The following DGAT2L6 variants were observed in gnomAD, a reference collection of about 807,000 sequenced individuals.
The protein encoded by DGAT2L6 is diacylglycerol O-acyltransferase 2-like protein 6.
In DGAT2L6, 22 loss-of-function variants were observed where a neutral mutation model predicts 25.5. The ratio of observed to expected loss-of-function variants is 0.86; its 90% confidence interval spans 0.62 to 1.23. The LOEUF (loss-of-function observed/expected upper bound fraction) is 1.23, where lower values mean the gene tolerates loss of function less well. Among genes scored for constraint, DGAT2L6 ranks in the 50% most tolerant of loss-of-function variants. DGAT2L6 has a pLI of 0.00. For synonymous variants in DGAT2L6, 100 were observed against 94.7 expected (o/e 1.06, Z -0.32); for missense variants, 287 against 253.2 (o/e 1.13, Z -0.91).
chrX:70,204,873 G>A, intron 6 of DGAT2L6, 79 bp from the exon 7 acceptor site: 2 of 1,063,731 alleles, frequency 1.9e-6, no homozygotes, highest in Non-Finnish European at 2.5e-6. Flanking sequence ...CTGAGTTTCA[G>A]TACATGGCTC....
chrX:70,179,989 A>AG (rs1569427296), intron 1 of DGAT2L6, among the ~76,000 whole-genome samples: 3 of 111,435 alleles, frequency 2.7e-5, no homozygotes, highest in African/African-American at 9.8e-5. Flanking sequence ...TGCTGGGTAT[A>AG]GGGTAGAGAG....
chrX:70,187,227 T>C (rs1440244697), intron 1 of DGAT2L6, among the ~76,000 whole-genome samples: 4 of 110,948 alleles, frequency 3.6e-5, no homozygotes, highest in East Asian at 2.8e-4. Context: ...AAGTCAAAGA[T>C]GGCCTAAAAA....
chrX:70,205,205 G>A lies in DGAT2L6; in HGVS notation c.*99G>A. ...TTCCAGGAGAGGGAAAGATCGTAAGGATGAGAGAGGAGACCATCCAAGCCA... is the reference window on the plus strand; with the variant it reads ...TTCCAGGAGAGGGAAAGATCGTAAGAATGAGAGAGGAGACCATCCAAGCCA... On this transcript the variant is annotated 3_prime_UTR_variant, in exon 7 of 7. Transcript: ENST00000333026. 2.1e-6 allele frequency: 2 copies of A among 937,624 alleles called. No homozygotes were observed. Among genetic ancestry groups the A allele is most frequent in the Non-Finnish European group, 2.8e-6 (2 of 715,860 alleles). The allele number at this position is 937,624 out of a possible 1,213,427, so 77.3% of individuals were successfully genotyped here.
At chrX:70,189,210 G>A (rs2085368537) in intron 1 of DGAT2L6, among the ~76,000 whole-genome samples, 1 of 111,161 alleles carries the variant, frequency 9.0e-6, no homozygotes, top group African/African-American at 3.3e-5. Context: ...TGACATGATA[G>A]TATGTATGGA....
At chrX:70,179,118 G>A (rs939517398) in intron 1 of DGAT2L6, among the ~76,000 whole-genome samples, 4 of 111,808 alleles carry the variant, frequency 3.6e-5, no homozygotes, top group African/African-American at 1.3e-4. Context: ...CAGAGAAAGG[G>A]TCCATGGCTT....
chrX:70,190,353 G>A (rs919157581), intron 1 of DGAT2L6, among the ~76,000 whole-genome samples: 1 of 111,869 alleles, frequency 8.9e-6, no homozygotes, highest in Non-Finnish European at 1.9e-5. Flanking sequence ...GAATCTGGCA[G>A]CCATCCATGG....
At chrX:70,180,286 T>C (rs2085339420) in intron 1 of DGAT2L6, among the ~76,000 whole-genome samples, 1 of 110,089 alleles carries the variant, frequency 9.1e-6, no homozygotes, top group African/African-American at 3.3e-5. Context: ...CCATCTCTAC[T>C]AAAAATAGAA....
chrX:70,188,851 C>A, intron 1 of DGAT2L6, among the ~76,000 whole-genome samples: 1 of 109,255 alleles, frequency 9.2e-6, no homozygotes, highest in East Asian at 2.9e-4. Flanking sequence ...CCATACTAAC[C>A]ATCTAAGCAT....
Position 70,199,328 on chromosome X carries a change from T to C in DGAT2L6, c.143T>C (p.Leu48Ser). 1 of 1,196,724 alleles carries C rather than the reference T, an allele frequency of 8.4e-7. No homozygotes were observed. Among genetic ancestry groups the C allele is most frequent in the East Asian group, 3.0e-5 (1 of 33,524 alleles). ...CTGTTATTCAGTAAGTTCTGGCCCTTGGCTGTGCTCTCCTTAGCCTGGCTC... is the reference window on the plus strand; with the variant it reads ...CTGTTATTCAGTAAGTTCTGGCCCTCGGCTGTGCTCTCCTTAGCCTGGCTC... ...YFLLFSKFWP[L>S]AVLSLAWLTY... The change falls in exon 2 of 7, where the codon TTG becomes TCG. Residue 48 changes from leucine (L) to serine (S), a missense_variant. Coordinates refer to ENST00000333026, the MANE Select transcript of DGAT2L6 (RefSeq NM_198512.3).
At chrX:70,201,843 T>C in intron 4 of DGAT2L6, 47 bp from the exon 5 acceptor site, 8 of 1,115,410 alleles carry the variant, frequency 7.2e-6, no homozygotes, top group Non-Finnish European at 9.5e-6. Flanking sequence ...CCTTACCCCA[T>C]CCTCAGGAAT....
chrX:70,191,954 G>A (rs1187892490), intron 1 of DGAT2L6, among the ~76,000 whole-genome samples: 1 of 111,676 alleles, frequency 9.0e-6, no homozygotes, highest in Non-Finnish European at 1.9e-5. Flanking sequence ...GAACAATAAA[G>A]ACATTCTCAA....
At position 70,204,479 on chromosome X, in the gene DGAT2L6, G is replaced by A. The variant is rs772362516; in HGVS notation, c.822G>A (p.Trp274Ter). Residue 274 changes from tryptophan (W) to a stop codon, truncating the protein, a stop_gained, in exon 6 of 7, where the codon TGG (tryptophan) becomes TGA (stop). Transcript: ENST00000333026. LOFTEE classifies it high-confidence loss of function. ...FHGRGFTRGS[W>*]GFLPFNRPIT... is the part of the protein sequence containing the mutation. ...GCCGGGGCTTCACTCGCGGATCCTG[G>A]GGCTTCCTGCCTTTCAATCGGCCCA... The A allele has an allele frequency of 7.6e-5, 92 of 1,209,128 alleles. No homozygotes were observed. The East Asian group carries it at 2.7e-3, about 35-fold the overall frequency.
intron 1 of DGAT2L6, among the ~76,000 whole-genome samples, chrX:70,197,731 T>C (rs1412684229): frequency 8.9e-6 from 1 of 112,417 alleles, no homozygotes; most frequent in Non-Finnish European, 1.9e-5. Context: ...AATGATACAC[T>C]TAGGCTAACT....
intron 1 of DGAT2L6, among the ~76,000 whole-genome samples, chrX:70,182,904 C>A (rs1274564421): frequency 8.9e-6 from 1 of 112,044 alleles, no homozygotes; most frequent in Non-Finnish European, 1.9e-5. Flanking sequence ...GATCCGCCTG[C>A]CTCGGCCTCC....
intron 1 of DGAT2L6, among the ~76,000 whole-genome samples, chrX:70,186,402 A>C (rs1269603525): frequency 3.6e-5 from 4 of 112,306 alleles, no homozygotes; most frequent in Admixed American, 9.4e-5. Flanking sequence ...AGGAAGTGTC[A>C]TTTGAGCTAA....
intron 3 of DGAT2L6, 77 bp from the exon 4 acceptor site, chrX:70,200,178 A>T (rs2085405068): frequency 2.0e-6 from 2 of 993,255 alleles, no homozygotes; most frequent in Non-Finnish European, 2.8e-6. Flanking sequence ...AACATAGGCT[A>T]CCTGCTGGGA....
intron 4 of DGAT2L6, among the ~76,000 whole-genome samples, chrX:70,201,637 T>A (rs1221692715): frequency 9.1e-6 from 1 of 110,163 alleles, no homozygotes; most frequent in African/African-American, 3.3e-5. Flanking sequence ...AGGCTATGGA[T>A]GGTAGGAGGC....
At position 70,201,932 on chromosome X, in the gene DGAT2L6, C is replaced by A. The variant is rs754945430; in HGVS notation, c.515C>A (p.Thr172Asn). Reference sequence around the variant, plus strand: ...AGCTCAGCCTTGAAGTACTTGCTGACCCAGAAAGGCTCAGGCAATGCCGTG... The same window carrying A: ...AGCTCAGCCTTGAAGTACTTGCTGAACCAGAAAGGCTCAGGCAATGCCGTG... ...VSSSALKYLL[T>N]QKGSGNAVVI... The change falls in exon 5 of 7, where the codon ACC (threonine) becomes AAC (asparagine). Residue 172 changes from threonine to asparagine, a missense_variant. By Grantham distance (65) the Thr-to-Asn change is moderately conservative. Coordinates refer to ENST00000333026, the MANE Select transcript of DGAT2L6 (RefSeq NM_198512.3). 8.3e-7 allele frequency: 1 copy of A among 1,205,696 alleles called. No homozygotes were observed. Among genetic ancestry groups the A allele is most frequent in the Admixed American group, 2.2e-5 (1 of 45,357 alleles).
intron 1 of DGAT2L6, among the ~76,000 whole-genome samples, chrX:70,197,800 C>A (rs920903702): frequency 8.9e-6 from 1 of 112,029 alleles, no homozygotes; most frequent in Non-Finnish European, 1.9e-5. Flanking sequence ...GCTTAACTGG[C>A]AAATTTACTC....
Sources: gnomAD v4.1 joint callset for allele counts (sites outside exome capture counted in the v4.1 genomes callset) on GRCh38, gnomAD v4.1.1 for gene constraint, MANE v1.5 for transcripts, NCBI Gene and HGNC (gene_info 2026-07-23, HGNC 2026-07-21) for gene names.